Variants in ATRX observed in about 807,000 individuals in gnomAD.
ATRX encodes chromatin remodeler ATRX.
ATRX carries 12 observed loss-of-function variants against 172.6 expected under a neutral mutation model. The ratio of observed to expected loss-of-function variants is 0.07; its 90% CI spans 0.04 to 0.11. ATRX has a LOEUF of 0.11. ATRX is among the 10% of genes least tolerant of loss of function. The pLI is 1.00. For synonymous variants in ATRX, 674 were observed against 594.7 expected (o/e 1.13, Z -1.94); for missense variants, 1,368 against 1,767.4 (o/e 0.77, Z 4.05).
chrX:77,653,518 A>G (rs1325843838), intron 14 of ATRX, among the ~76,000 whole-genome samples: 1 of 112,115 alleles, frequency 8.9e-6, no homozygotes, highest in African/African-American at 3.2e-5. Flanking sequence ...TGGAGACATA[A>G]ATGAAAATAG....
chrX:77,566,123 T>C (rs782195764), intron 28 of ATRX, among the ~76,000 whole-genome samples: 23 of 111,272 alleles, frequency 2.1e-4, no homozygotes, highest in African/African-American at 7.5e-4. Flanking sequence ...GACTGAAAAT[T>C]ACCAAAATGT....
At chrX:77,543,602 T>C (rs782372503) in intron 30 of ATRX, among the ~76,000 whole-genome samples, 55 of 111,964 alleles carry the variant, frequency 4.9e-4, no homozygotes, top group Non-Finnish European at 8.5e-4. Flanking sequence ...ACGTGGCATA[T>C]ATACACCATG....
chrX:77,779,953 C>T (rs2076511430), intron 1 of ATRX, among the ~76,000 whole-genome samples: 1 of 111,827 alleles, frequency 8.9e-6, no homozygotes, highest in Admixed American at 9.6e-5. Context: ...TCAAAGACTT[C>T]CCAGCGCAAA....
intron 10 of ATRX, among the ~76,000 whole-genome samples, chrX:77,666,586 G>A (rs45537041): frequency 0.1 from 11,591 of 112,118 alleles, 707 homozygotes; most frequent in African/African-American, 0.23. Flanking sequence ...TCAGCCAGGT[G>A]TGGTGGCTCA....
chrX:77,539,575 C>A, intron 30 of ATRX, among the ~76,000 whole-genome samples: 1 of 109,357 alleles, frequency 9.1e-6, no homozygotes. Flanking sequence ...AAAAAAGAGA[C>A]ATAACAAACA....
Position 77,563,457 on chromosome X carries a change from A to G in ATRX, c.6327-4611T>C, listed in dbSNP as rs1557062925. On this transcript the variant is annotated intron_variant, in intron 28 of 34. Coordinates refer to ENST00000373344, the MANE Select transcript of ATRX (RefSeq NM_000489.6). ...TCATACATTTATTGGCCATTCAGAT[A>G]TCGTCTTTTGTAAAGTCCTGTTCAA... 3.6e-5 allele frequency among the ~76,000 whole-genome samples: 4 copies of G among 112,227 alleles called. No homozygotes were observed. The South Asian group carries it at 1.1e-3, about 31-fold the overall frequency.
At chrX:77,673,342 T>A (rs1392909370) in intron 10 of ATRX, among the ~76,000 whole-genome samples, 1 of 111,439 alleles carries the variant, frequency 9.0e-6, no homozygotes, top group East Asian at 2.8e-4. Flanking sequence ...AGTATATTAC[T>A]TTAAAATTAC....
intron 30 of ATRX, among the ~76,000 whole-genome samples, chrX:77,539,980 T>G (rs1270008217): frequency 1.2e-4 from 13 of 111,694 alleles, no homozygotes; most frequent in African/African-American, 3.9e-4. Flanking sequence ...TAACCTTAAA[T>G]GTAAATGGGC....
chrX:77,728,390 T>C (rs1389864396), intron 1 of ATRX, among the ~76,000 whole-genome samples: 1 of 111,988 alleles, frequency 8.9e-6, no homozygotes, highest in African/African-American at 3.2e-5. Flanking sequence ...GATCATCCTT[T>C]TGGTTAGTAA....
chrX:77,723,609 G>C (rs1469374339), intron 1 of ATRX, among the ~76,000 whole-genome samples: 1 of 111,420 alleles, frequency 9.0e-6, no homozygotes, highest in Admixed American at 9.6e-5. Flanking sequence ...ATAAGAGTCA[G>C]ATGTACAAAA....
At position 77,698,562 on chromosome X, in the gene ATRX, A is replaced by G; in HGVS notation, c.189+12T>C. 1.7e-6 allele frequency: 2 copies of G among 1,196,697 alleles called. No homozygotes were observed. Among genetic ancestry groups the G allele is most frequent in the Non-Finnish European group, 2.3e-6 (2 of 882,310 alleles). Reference sequence around the variant, plus strand: ...TCGTAACTAACAAATATCTCTAAATAATTATCCTTACCTCTTCCTTGCTGT... The same window carrying G: ...TCGTAACTAACAAATATCTCTAAATGATTATCCTTACCTCTTCCTTGCTGT... On this transcript the variant is annotated intron_variant, in intron 3 of 34. Coordinates refer to ENST00000373344, the MANE Select transcript of ATRX (RefSeq NM_000489.6).
intron 21 of ATRX, among the ~76,000 whole-genome samples, chrX:77,617,763 C>T (rs2067413975): frequency 9.0e-6 from 1 of 110,870 alleles, no homozygotes; most frequent in Non-Finnish European, 1.9e-5. Flanking sequence ...ATCATTGAGG[C>T]TGAAGTACAG....
chrX:77,587,694 T>TA (rs1285885132), intron 27 of ATRX, among the ~76,000 whole-genome samples: 2 of 111,848 alleles, frequency 1.8e-5, no homozygotes, highest in African/African-American at 6.5e-5. Flanking sequence ...ATCTTGTATA[T>TA]AAAAAATCCT....
At position 77,759,358 on chromosome X, in the gene ATRX, T is replaced by TA. The variant is rs200906628; in HGVS notation, c.20+26623dup. 9.9e-3 allele frequency among the ~76,000 whole-genome samples: 986 copies of TA among 99,830 alleles called. 4 individuals are homozygous for TA. Among genetic ancestry groups the TA allele is most frequent in the African/African-American group, 0.025 (694 of 27,719 alleles). 86.7% of individuals were successfully genotyped at this position (99,830 alleles called of 115,157 possible). On this transcript the variant is annotated intron_variant, in intron 1 of 34. Coordinates refer to ENST00000373344, the MANE Select transcript of ATRX (RefSeq NM_000489.6). ...ACAGTCTTTAGTAGCACCAAATTCG[T>TA]AAAAAAAAAAAACAACAACTATCCA...
intron 15 of ATRX, among the ~76,000 whole-genome samples, chrX:77,651,704 C>G (rs1423531058): frequency 2.7e-5 from 3 of 110,321 alleles, no homozygotes; most frequent in African/African-American, 9.9e-5. Flanking sequence ...CTAAAAAATA[C>G]AAAAATTAGC....
At chrX:77,585,574 TCCC>T (rs1434631384) in intron 27 of ATRX, among the ~76,000 whole-genome samples, 1 of 35,336 alleles carries the variant, frequency 2.8e-5, no homozygotes, top group Non-Finnish European at 4.8e-5. Context: ...AGACCTTGTC[TCCC>T]CCCACCAAAA....
At chrX:77,720,247 C>A (rs781910445) in intron 1 of ATRX, among the ~76,000 whole-genome samples, 1 of 111,678 alleles carries the variant, frequency 9.0e-6, no homozygotes, top group South Asian at 3.7e-4. Flanking sequence ...AAAGTCAACA[C>A]CCTAACATCA....
intron 27 of ATRX, among the ~76,000 whole-genome samples, chrX:77,582,829 G>A (rs1368337296): frequency 1.8e-5 from 2 of 111,697 alleles, no homozygotes; most frequent in Admixed American, 9.5e-5. Context: ...CCAATAAAAA[G>A]TAATGAGATT....
intron 27 of ATRX, among the ~76,000 whole-genome samples, chrX:77,586,295 G>T (rs1420794496): frequency 1.8e-5 from 2 of 111,331 alleles, no homozygotes; most frequent in Non-Finnish European, 3.8e-5. Flanking sequence ...AAAATTAAAA[G>T]GAAAAAATCA....
Sources: gnomAD v4.1 joint callset for allele counts (sites outside exome capture counted in the v4.1 genomes callset) on GRCh38, gnomAD v4.1.1 for gene constraint, MANE v1.5 for transcripts, NCBI Gene and HGNC (gene_info 2026-07-23, HGNC 2026-07-21) for gene names.